The following NAV3 variants were observed in gnomAD, a reference collection of about 807,000 sequenced individuals.
NAV3 encodes the protein neuron navigator 3.
A neutral mutation model predicts 244.7 loss-of-function variants in NAV3; 87 were observed. That is an observed-to-expected ratio of 0.36 (90% CI 0.30 to 0.42). The LOEUF is 0.42. NAV3 is among the 20% of genes least tolerant of loss of function. The probability of loss-of-function intolerance (pLI) is 1.00; values close to 1 mark genes in which losing one functional copy is unlikely to be tolerated. For missense variants in NAV3, 2,663 were observed against 2,893.3 expected, an observed-to-expected ratio of 0.92 and a Z score of 1.83; for synonymous variants, 1,126 against 1,042.2, an observed-to-expected ratio of 1.08 and a Z score of -1.55.
At chr12:77,977,187 A>C (rs928359766) in intron 5 of NAV3, among the ~76,000 whole-genome samples, 1 of 152,136 alleles carries the variant, frequency 6.6e-6, no homozygotes, top group African/African-American at 2.4e-5. Flanking sequence ...CCGCTTTTGC[A>C]CTGGAGACTT....
At chr12:77,750,553 A>AG (rs1434134225) in intron 2 of NAV3, among the ~76,000 whole-genome samples, 1 of 152,032 alleles carries the variant, frequency 6.6e-6, no homozygotes, top group Non-Finnish European at 1.5e-5. Flanking sequence ...TAAAAAAAAA[A>AG]AAGTAAAAAG....
chr12:77,608,188 T>C (rs557855975), intron 2 of NAV3, among the ~76,000 whole-genome samples: 12 of 152,244 alleles, frequency 7.9e-5, no homozygotes, highest in Admixed American at 5.9e-4. Context: ...TCACTGCATT[T>C]ATATTACTTC....
In NAV3 at chr12:78,119,413, G is replaced by A. The variant is rs752928578; in HGVS notation, c.3217G>A (p.Val1073Ile). Residue 1073 changes from valine (V) to isoleucine (I), a missense_variant, in exon 15 of 40, where the codon GTA becomes ATA. Coordinates refer to ENST00000397909, the MANE Select transcript of NAV3 (RefSeq NM_001024383.2). The stretch of plus-strand genomic sequence containing the variant: ...CTTTGGCTTTAAGAAACCAAGTGGA[G>A]TAGGGTCATCTGCCATGATCACCAG... ...SSFGFKKPSGVGSSAMITSSG... is the reference protein window; with the variant it reads ...SSFGFKKPSGIGSSAMITSSG... The A allele has an allele frequency of 1.2e-6, 2 of 1,614,202 alleles. No individual in the cohort carries two copies. The highest frequency in any genetic ancestry group is 2.2e-5 in the South Asian group (2 of 91,084).
intron 2 of NAV3, among the ~76,000 whole-genome samples, chr12:77,705,847 T>C (rs1013059353): frequency 1.1e-4 from 16 of 151,628 alleles, no homozygotes; most frequent in African/African-American, 3.9e-4. Flanking sequence ...GGATTACAGG[T>C]GATTTTTTTT....
chr12:78,153,139 A>T (rs947597675), intron 22 of NAV3, among the ~76,000 whole-genome samples: 1 of 151,984 alleles, frequency 6.6e-6, no homozygotes, highest in Non-Finnish European at 1.5e-5. Flanking sequence ...ATGGACTCTA[A>T]ACAATAACTT....
intron 9 of NAV3, among the ~76,000 whole-genome samples, chr12:78,040,395 A>G (rs973761278): frequency 3.3e-5 from 5 of 152,172 alleles, no homozygotes; most frequent in Admixed American, 3.3e-4. Context: ...ACATGAGAGA[A>G]ACCAGATAAA....
At chr12:77,686,992 A>G (rs890784861) in intron 2 of NAV3, among the ~76,000 whole-genome samples, 5 of 152,100 alleles carry the variant, frequency 3.3e-5, no homozygotes, top group Admixed American at 2.0e-4. Flanking sequence ...TTCCATAACA[A>G]TCTTTACATC....
At chr12:78,069,050 C>T (rs1952621871) in intron 12 of NAV3, among the ~76,000 whole-genome samples, 1 of 151,680 alleles carries the variant, frequency 6.6e-6, no homozygotes, top group Non-Finnish European at 1.5e-5. Flanking sequence ...GGCATTTTGG[C>T]CGGCAGCTGA....
chr12:77,850,375 G>A lies in NAV3; in HGVS notation c.243+18671G>A, dbSNP rs193147617. Among the ~76,000 whole-genome samples, 10 of 152,274 alleles carry A rather than the reference G, an allele frequency of 6.6e-5. No homozygotes were observed. In the East Asian group the frequency reaches 1.5e-3, roughly 24 times the overall value. ...TCTTCCTCTAAGTAATCATAAGTCC[G>A]TTGCAGTATAGTAAATCAGCCAAGT... On this transcript the variant is annotated intron_variant, in intron 1 of 39. Transcript: ENST00000397909.
chr12:77,904,922 T>C (rs566116749), intron 1 of NAV3, among the ~76,000 whole-genome samples: 1 of 151,956 alleles, frequency 6.6e-6, no homozygotes, highest in Non-Finnish European at 1.5e-5. Flanking sequence ...TTGTACCATA[T>C]GGTTGCTTTA....
Position 77,580,133 on chromosome 12 carries a change from A to C in NAV3, c.72+7867A>C, listed in dbSNP as rs149753052. Among the ~76,000 whole-genome samples, 560 of 151,964 alleles carry C rather than the reference A, an allele frequency of 3.7e-3. 8 individuals are homozygous for C. Among genetic ancestry groups the C allele is most frequent in the Non-Finnish European group, 5.2e-3 (351 of 67,998 alleles). On this transcript the variant is annotated intron_variant, in intron 2 of 8. Coordinates refer to the NAV3 transcript ENST00000550042. ...CACTCCATTTTAGATTTCCCTCTCC[A>C]AACTGCATATAACAAATGATTTAAG... is the stretch of plus-strand genomic sequence containing the variant.
At chr12:77,939,605 T>A (rs1395578521) in intron 1 of NAV3, among the ~76,000 whole-genome samples, 1 of 152,174 alleles carries the variant, frequency 6.6e-6, no homozygotes, top group Admixed American at 6.6e-5. Context: ...TGTGAAATTT[T>A]TGTAGAGTTT....
At chr12:77,983,520 T>C (rs1397077728) in intron 5 of NAV3, among the ~76,000 whole-genome samples, 1 of 152,166 alleles carries the variant, frequency 6.6e-6, no homozygotes, top group Non-Finnish European at 1.5e-5. Flanking sequence ...AAGATTTTAA[T>C]GGAACTTTGG....
intron 2 of NAV3, among the ~76,000 whole-genome samples, chr12:77,778,453 A>T (rs1024944592): frequency 2.6e-5 from 4 of 151,594 alleles, no homozygotes; most frequent in African/African-American, 9.7e-5. Flanking sequence ...TCTACTAAAA[A>T]TACAAAAAAT....
intron 5 of NAV3, among the ~76,000 whole-genome samples, chr12:77,970,458 C>A (rs140193682): frequency 1.5e-3 from 225 of 152,240 alleles, no homozygotes; most frequent in African/African-American, 4.9e-3. Context: ...ATATTTATTT[C>A]TCTATACAAC....
intron 2 of NAV3, among the ~76,000 whole-genome samples, chr12:77,622,452 C>T (rs1279732646): frequency 6.6e-6 from 1 of 152,144 alleles, no homozygotes; most frequent in Non-Finnish European, 1.5e-5. Flanking sequence ...AGACACCGCA[C>T]CCGGCCCCCA....
intron 2 of NAV3, among the ~76,000 whole-genome samples, chr12:77,803,674 C>G (rs2135978334): frequency 6.6e-6 from 1 of 152,256 alleles, no homozygotes; most frequent in Middle Eastern, 3.4e-3. Flanking sequence ...AATGGTATTT[C>G]TGGTTCTAGA....
At chr12:77,580,441 T>C (rs696441) in intron 2 of NAV3, among the ~76,000 whole-genome samples, 89,782 of 151,996 alleles carry the variant, frequency 0.59, 26,716 homozygotes, top group Middle Eastern at 0.75. Context: ...AATTAGTGCT[T>C]ATGATATTTC....
chr12:78,064,426 T>TCTGTCTGTCTGC (rs66686266), intron 12 of NAV3, among the ~76,000 whole-genome samples: 9,942 of 135,902 alleles, frequency 0.073, 481 homozygotes, highest in South Asian at 0.13. Flanking sequence ...TGTCTGTCTG[T>TCTGTCTGTCTGC]CTGCCTGCCT....
Sources: gnomAD v4.1 joint callset for allele counts (sites outside exome capture counted in the v4.1 genomes callset) on GRCh38, gnomAD v4.1.1 for gene constraint, MANE v1.5 for transcripts, NCBI Gene and HGNC (gene_info 2026-07-23, HGNC 2026-07-21) for gene names.